Variants in SCAP observed in about 807,000 individuals in gnomAD.
SCAP encodes the protein SREBF chaperone, also known as sterol regulatory element-binding protein cleavage-activating protein.
In SCAP, 65 loss-of-function variants were observed where a neutral mutation model predicts 123.6. The ratio of observed to expected loss-of-function variants is 0.53; its 90% confidence interval spans 0.43 to 0.65. The LOEUF (loss-of-function observed/expected upper bound fraction) is 0.65. SCAP is among the 30% of genes least tolerant of loss of function. The pLI is 0.00. For synonymous variants in SCAP, 740 were observed against 726.3 expected (o/e 1.02, Z -0.30); for missense variants, 1,398 against 1,712.5 (o/e 0.82, Z 3.24).
rs1354750767 is a variant in SCAP at position 47,422,805 on chromosome 3, CAG to C, written c.1151-271_1151-270del. 16 of 337,484 alleles carry C rather than the reference CAG, an allele frequency of 4.7e-5. No individual in the cohort carries two copies. In the East Asian group the frequency reaches 4.8e-4, roughly 10 times the overall value. The allele number at this position is 337,484 out of a possible 1,614,324, so 20.9% of individuals were successfully genotyped here. A position where few individuals can be genotyped will look rare whatever the true frequency, so the allele number is the denominator to read the frequency against. The stretch of plus-strand genomic sequence containing the variant: ...TATAATCATCAAAAGAGGGAAGAAG[CAG>C]AGTGTGGAGATGAGAAAATCCACAA... On this transcript the variant is annotated intron_variant, in intron 9 of 22. Coordinates refer to ENST00000265565, the MANE Select transcript of SCAP (RefSeq NM_012235.4).
chr3:47,457,866 C>T (rs988566632), intron 1 of SCAP, among the ~76,000 whole-genome samples: 32 of 152,114 alleles, frequency 2.1e-4, no homozygotes, highest in African/African-American at 7.2e-4. Context: ...GAGATGGCGC[C>T]ACTGCACTCC....
In SCAP at chr3:47,420,792, C is replaced by G. The variant is rs780665006; in HGVS notation, c.1345-20G>C. The G allele has an allele frequency of 6.2e-7, 1 of 1,608,332 alleles. No individual in the cohort carries two copies. The highest frequency in any genetic ancestry group is 8.5e-7 in the Non-Finnish European group (1 of 1,177,788). ...TGCTAGCTGTTGGGGGCACAGTGGT[C>G]AGGGCCTGAGTCCACCATCCAGAGG... On this transcript the variant is annotated intron_variant, in intron 11 of 22. Transcript: ENST00000265565. The surrounding 1 kb of genome is among the most constrained non-coding windows in gnomAD (Gnocchi z 5.0).
intron 1 of SCAP, among the ~76,000 whole-genome samples, chr3:47,453,604 C>T (rs1707301215): frequency 6.6e-6 from 1 of 152,098 alleles, no homozygotes; most frequent in Non-Finnish European, 1.5e-5. Flanking sequence ...AGACTTTTGC[C>T]TACATTATCT....
At chr3:47,473,202 G>A (rs780386828) in intron 1 of SCAP, among the ~76,000 whole-genome samples, 9 of 151,654 alleles carry the variant, frequency 5.9e-5, no homozygotes, top group Non-Finnish European at 1.0e-4. Flanking sequence ...TTCGCTAGGT[G>A]ACCCAGGGCC....
intron 1 of SCAP, among the ~76,000 whole-genome samples, chr3:47,456,726 G>C (rs1368495458): frequency 6.6e-6 from 1 of 151,850 alleles, no homozygotes; most frequent in Non-Finnish European, 1.5e-5. Context: ...GATCATCCGA[G>C]ATCGTGTGAG....
chr3:47,443,835 A>G (rs1178516010), intron 1 of SCAP, among the ~76,000 whole-genome samples: 1 of 152,106 alleles, frequency 6.6e-6, no homozygotes, highest in Admixed American at 6.6e-5. Flanking sequence ...TGGATTAACT[A>G]TGAGTCAAGG....
At position 47,417,419 on chromosome 3, in the gene SCAP, G is replaced by C. The variant is rs775176341; in HGVS notation, c.2855C>G (p.Ser952Cys). The change falls in exon 17 of 23, where the codon TCC becomes TGC. Residue 952 changes from serine (S) to cysteine (C), a missense_variant. Ser to Cys is a moderately radical substitution (Grantham distance 112, BLOSUM62 -1). Transcript: ENST00000265565. Reference sequence around the variant, plus strand: ...GAGGGAAGGGGAGCCTTTCTCGGGGGAGCCACCCTCGTCCTCAGGGGCCTG... The same window carrying C: ...GAGGGAAGGGGAGCCTTTCTCGGGGCAGCCACCCTCGTCCTCAGGGGCCTG... ...LSQAPEDEGGSPEKGSPSLAW... is the reference protein window; with the variant it reads ...LSQAPEDEGGCPEKGSPSLAW... The C allele has an allele frequency of 8.9e-6, 14 of 1,568,518 alleles. No homozygotes were observed. Among genetic ancestry groups the C allele is most frequent in the Non-Finnish European group, 1.2e-5 (14 of 1,158,540 alleles).
rs776922328 is a variant in SCAP at position 47,417,685 on chromosome 3, C to T, written c.2589G>A (p.Pro863=). ...CAGGCTGGTCCCCGAAGAGGGAAGG[C>T]GGCGGAGGGCCCCGGGGGCGGTGTC... ...PLRHRPRGPP[P]PSLFGDQPDL... The change falls in exon 17 of 23, where the codon CCG becomes CCA. Residue 863 remains proline (P), a synonymous_variant. Transcript: ENST00000265565. The T allele has an allele frequency of 4.3e-5, 69 of 1,607,274 alleles. No homozygotes were observed. Among genetic ancestry groups the T allele is most frequent in the South Asian group, 1.9e-4 (17 of 90,610 alleles).
At chr3:47,450,738 A>G (rs1214143903) in intron 1 of SCAP, among the ~76,000 whole-genome samples, 1 of 123,764 alleles carries the variant, frequency 8.1e-6, no homozygotes, top group Non-Finnish European at 1.8e-5. Flanking sequence ...GGGCTCAAGC[A>G]ATCCTCCTGC....
At chr3:47,469,624 G>T (rs936917563) in intron 1 of SCAP, among the ~76,000 whole-genome samples, 13 of 152,168 alleles carry the variant, frequency 8.5e-5, no homozygotes, top group Admixed American at 7.2e-4. Context: ...CTCCCAAAGT[G>T]CTGGGATTAC....
chr3:47,438,957 T>C (rs1404847798), intron 2 of SCAP, among the ~76,000 whole-genome samples: 1 of 152,158 alleles, frequency 6.6e-6, no homozygotes, highest in Non-Finnish European at 1.5e-5. Context: ...GGTAGAAGAC[T>C]AGGAAGACAG....
At chr3:47,466,154 A>AAG (rs1553651053) in intron 1 of SCAP, among the ~76,000 whole-genome samples, 188 of 141,992 alleles carry the variant, frequency 1.3e-3, no homozygotes, top group South Asian at 1.8e-3. Context: ...AAAAAAAAAA[A>AAG]AAAGAAAGAA....
intron 1 of SCAP, 184 bp downstream of exon 1, chr3:47,475,615 G>C (rs1005048462): frequency 6.6e-6 from 1 of 152,270 alleles, no homozygotes; most frequent in Admixed American, 6.5e-5. Context: ...TTGGGGGTGG[G>C]GACGCGCGGC....
In SCAP at chr3:47,418,347, G is replaced by A; in HGVS notation, c.2305C>T (p.Pro769Ser). 1 of 1,569,642 alleles carries A rather than the reference G, an allele frequency of 6.4e-7. No homozygotes were observed. The highest frequency in any genetic ancestry group is 8.6e-7 in the Non-Finnish European group (1 of 1,158,674). Reference protein sequence around the residue: ...GYAPPETEIVPLVLRGHLMDI... With the variant: ...GYAPPETEIVSLVLRGHLMDI... ...ATGAGGTGGCCGCGCAGCACAAGCG[G>A]CACGATCTCCGTCTCGGGTGGCGCA... is the stretch of plus-strand genomic sequence containing the variant. Residue 769 changes from proline to serine, a missense_variant, in exon 15 of 23, where the codon CCG (proline) becomes TCG (serine). Coordinates refer to ENST00000265565, the MANE Select transcript of SCAP (RefSeq NM_012235.4).
chr3:47,437,451 A>T (rs1049248975), intron 2 of SCAP, among the ~76,000 whole-genome samples: 2 of 144,972 alleles, frequency 1.4e-5, no homozygotes, highest in African/African-American at 5.1e-5. Context: ...AAAAAGGAGA[A>T]TAAAGTTGGC....
Position 47,419,227 on chromosome 3 carries a change from A to G in SCAP, c.1940+101T>C, listed in dbSNP as rs1419429365. 2 of 1,430,162 alleles carry G rather than the reference A, an allele frequency of 1.4e-6. No homozygotes were observed. Among genetic ancestry groups the G allele is most frequent in the Non-Finnish European group, 1.9e-6 (2 of 1,059,090 alleles). The allele number at this position is 1,430,162 out of a possible 1,614,324, so 88.6% of individuals were successfully genotyped here. Reference sequence around the variant, plus strand: ...CCTCACAACCTTATGAACTGTTTTAATTATTTGCATAATTCAAACCTGTGG... The same window carrying G: ...CCTCACAACCTTATGAACTGTTTTAGTTATTTGCATAATTCAAACCTGTGG... On this transcript the variant is annotated intron_variant, in intron 13 of 22. Coordinates refer to ENST00000265565, the MANE Select transcript of SCAP (RefSeq NM_012235.4). The surrounding 1 kb of genome is among the most constrained non-coding windows in gnomAD (Gnocchi z 5.0).
In SCAP at chr3:47,443,009, C is replaced by T. The variant is rs1286069291; in HGVS notation, c.-16G>A. ...TCAGGGTCATCCTCAGCCGAAGTCA[C>T]CTTGCTGCCATCCCGGAAAGTGACC... On this transcript the variant is annotated 5_prime_UTR_variant, in exon 2 of 23. The change creates a new upstream start codon in the 5' untranslated region. Coordinates refer to ENST00000265565, the MANE Select transcript of SCAP (RefSeq NM_012235.4). 6.2e-7 allele frequency: 1 copy of T among 1,613,154 alleles called. No homozygotes were observed. The highest frequency in any genetic ancestry group is 8.5e-7 in the Non-Finnish European group (1 of 1,179,968).
At position 47,417,115 on chromosome 3, in the gene SCAP, C is replaced by T. The variant is rs779372938; in HGVS notation, c.3056+7G>A. 20 of 1,612,612 alleles carry T rather than the reference C, an allele frequency of 1.2e-5. No individual in the cohort carries two copies. The highest frequency in any genetic ancestry group is 1.1e-4 in the South Asian group (10 of 91,070). On this transcript the variant is annotated splice_region_variant and intron_variant, in intron 18 of 22. Transcript: ENST00000265565. ...GGACATCTGGGGCTGAGGCAGGCCA[C>T]GCTCACCTTTTGTCCAAGAACACCA...
At chr3:47,456,549 T>C (rs1057282407) in intron 1 of SCAP, among the ~76,000 whole-genome samples, 3 of 152,130 alleles carry the variant, frequency 2.0e-5, no homozygotes, top group African/African-American at 7.2e-5. Context: ...GTGGATCACC[T>C]GAGGTCAGGA....
Sources: allele counts gnomAD v4.1 joint callset (sites outside exome capture counted in the v4.1 genomes callset), GRCh38; gene constraint gnomAD v4.1.1; non-coding constraint Gnocchi (gnomAD v3.1); transcripts MANE v1.5; gene names NCBI Gene and HGNC (gene_info 2026-07-23, HGNC 2026-07-21).